The following LUZP4 variants were observed in gnomAD, a reference collection of about 807,000 sequenced individuals.
The protein encoded by LUZP4 is HOM-TES-85 tumor antigen.
A neutral mutation model predicts 8.5 loss-of-function variants in LUZP4; 11 were observed. The observed-to-expected ratio is 1.30, with a 90% CI of 0.82 to 2.14. The LOEUF (loss-of-function observed/expected upper bound fraction) is 2.14. Ranked by LOEUF, LUZP4 falls within the 30% of genes most tolerant of loss-of-function variation. The pLI, the probability that LUZP4 is intolerant of heterozygous loss-of-function variation, is 0.00. For synonymous variants in LUZP4, 104 were observed against 79.4 expected (o/e 1.31, Z -1.65); for missense variants, 276 against 229.7 (o/e 1.20, Z -1.30).
chrX:115,297,470 T>G (rs1603134930), intron 1 of LUZP4, among the ~76,000 whole-genome samples: 1 of 111,845 alleles, frequency 8.9e-6, no homozygotes, highest in Non-Finnish European at 1.9e-5. Context: ...ATCCCTCAGC[T>G]TTTGTTTGTC....
chrX:115,306,480 C>CCACTCAGAGAGATCTCATGGT lies in LUZP4; in HGVS notation c.667_687dup (p.Glu223_Ser229dup), dbSNP rs782177187. ...ATGGTCAATCTGAGAGATCTCATGGCCACTCAGAGAGATCTCATGGTCACT... is the reference window on the plus strand; with the variant it reads ...ATGGTCAATCTGAGAGATCTCATGGCCACTCAGAGAGATCTCATGGTCACTCAGAGAGATCTCATGGTCACT... On this transcript the variant is annotated inframe_insertion, in exon 4 of 4. Transcript: ENST00000371920. 17 of 1,208,478 alleles carry CCACTCAGAGAGATCTCATGGT rather than the reference C, an allele frequency of 1.4e-5. No homozygotes were observed. The African/African-American group carries it at 2.1e-4, about 15-fold the overall frequency.
chrX:115,301,948 G>C (rs2073399107), intron 1 of LUZP4, 44 bp from the exon 2 acceptor site: 1 of 951,705 alleles, frequency 1.1e-6, no homozygotes, highest in East Asian at 3.4e-5. Flanking sequence ...GACATTATTT[G>C]GCTTTTGCCA....
chrX:115,300,701 A>G (rs782554962), intron 1 of LUZP4, among the ~76,000 whole-genome samples: 140 of 111,097 alleles, frequency 1.3e-3, no homozygotes, highest in African/African-American at 4.5e-3. Context: ...CTCTAACAGG[A>G]CAGCACTAAA....
chrX:115,290,531 C>T (rs986299782), intron 1 of LUZP4, among the ~76,000 whole-genome samples: 1 of 111,416 alleles, frequency 9.0e-6, no homozygotes, highest in African/African-American at 3.3e-5. Flanking sequence ...TTATCAAGGC[C>T]CCTAACCTCC....
chrX:115,306,485 CAGAG>C lies in LUZP4; in HGVS notation c.627_630del (p.Glu209AspfsTer37), dbSNP rs782291845. 3.5e-5 allele frequency: 42 copies of C among 1,206,025 alleles called. No homozygotes were observed. The highest frequency in any genetic ancestry group is 4.8e-4 in the Middle Eastern group (2 of 4,134). ...CAATCTGAGAGATCTCATGGCCACT[CAGAG>C]AGATCTCATGGTCACTCAGAGAGAT... On this transcript the variant is annotated frameshift_variant, in exon 4 of 4. Coordinates refer to ENST00000371920, the MANE Select transcript of LUZP4 (RefSeq NM_016383.5). LOFTEE classifies it low-confidence loss of function (END_TRUNC).
Sources: allele counts gnomAD v4.1 joint callset (sites outside exome capture counted in the v4.1 genomes callset), GRCh38; gene constraint gnomAD v4.1.1; transcripts MANE v1.5; gene names NCBI Gene and HGNC (gene_info 2026-07-23, HGNC 2026-07-21).